EPS8L3: variants seen among roughly 807,000 people sequenced by gnomAD.
EPS8L3 encodes EPS8 signaling adaptor L3.
Under a neutral mutation model 88.5 loss-of-function variants are expected in EPS8L3, and 80 were observed. That is an observed-to-expected ratio of 0.90 (90% CI 0.75 to 1.09). EPS8L3 has a LOEUF of 1.09. Among genes scored for constraint, EPS8L3 ranks in the 50% least tolerant of loss-of-function variants. EPS8L3 has a pLI of 0.00. For missense variants in EPS8L3, 721 were observed against 735.2 expected (o/e 0.98, Z 0.22); for synonymous variants, 286 against 291.0 (o/e 0.98, Z 0.18).
intron 1 of EPS8L3, among the ~76,000 whole-genome samples, chr1:109,761,983 C>G (rs1247346027): frequency 6.6e-6 from 1 of 152,062 alleles, no homozygotes; most frequent in Admixed American, 6.5e-5. Flanking sequence ...AGGCCCCGGG[C>G]TGAGGGAAGG....
Position 109,763,224 on chromosome 1 carries a change from A to G in EPS8L3, c.-25+598T>C, listed in dbSNP as rs186339069. Among the ~76,000 whole-genome samples the G allele has an allele frequency of 2.4e-3, 373 of 152,266 alleles. 2 individuals carry two copies. The highest frequency in any genetic ancestry group is 6.8e-3 in the Middle Eastern group (2 of 294). On this transcript the variant is annotated intron_variant, in intron 1 of 18. Transcript: ENST00000361965. ...TGGATCTCTGGTTTCCTTGTTTGGGAGGACCCCTTTTCTCTCCAGGGGTAA... is the reference window on the plus strand; with the variant it reads ...TGGATCTCTGGTTTCCTTGTTTGGGGGGACCCCTTTTCTCTCCAGGGGTAA...
chr1:109,759,641 C>G lies in EPS8L3; in HGVS notation c.255+37G>C. The G allele has an allele frequency of 6.2e-7, 1 of 1,606,046 alleles. No individual in the cohort carries two copies. The highest frequency in any genetic ancestry group is 2.2e-5 in the East Asian group (1 of 44,840). On this transcript the variant is annotated intron_variant, in intron 4 of 18. Coordinates refer to ENST00000361965, the MANE Select transcript of EPS8L3 (RefSeq NM_133181.4). This position sits in a 1 kb window ranked among gnomAD's most constrained non-coding sequence, Gnocchi z 4.2. The stretch of plus-strand genomic sequence containing the variant: ...AGCTAGTGCTTGCTTCCCCACAGCC[C>G]AGGCTGGCTATCACTGGGTTTGCTG...
At chr1:109,751,440 C>A (rs1649783933) in intron 16 of EPS8L3, 89 bp from the exon 17 acceptor site, 1 of 1,423,100 alleles carries the variant, frequency 7.0e-7, no homozygotes, top group African/African-American at 1.4e-5. Flanking sequence ...TCCAGGTTCC[C>A]ATCAAATCAC....
rs1451458010 is a variant in EPS8L3 at position 109,759,334 on chromosome 1, G to C, written c.309C>G (p.Leu103=). ...GGATGGAGTTGTAGGAACATGTGTT[G>C]AGCGCCACATTCATGGCCTGGATGC... The part of the protein sequence containing the change: ...LDSIQAMNVA[L]NTCSYNSILS... Residue 103 remains leucine, a synonymous_variant, in exon 5 of 19, where the codon CTC becomes CTG. Transcript: ENST00000361965. The surrounding 1 kb of genome is among the most constrained non-coding windows in gnomAD (Gnocchi z 4.2). 2 of 1,614,074 alleles carry C rather than the reference G, an allele frequency of 1.2e-6. No individual in the cohort carries two copies. Among genetic ancestry groups the C allele is most frequent in the African/African-American group, 2.7e-5 (2 of 74,920 alleles).
intron 10 of EPS8L3, 38 bp downstream of exon 10, chr1:109,757,764 A>C (rs758823841): frequency 6.3e-7 from 1 of 1,592,190 alleles, no homozygotes; most frequent in South Asian, 1.1e-5. Context: ...AGGAAGGGGA[A>C]GAGGAGAGGC....
chr1:109,761,634 T>C, intron 2 of EPS8L3, 75 bp from the exon 3 acceptor site: 3 of 1,602,930 alleles, frequency 1.9e-6, no homozygotes, highest in Non-Finnish European at 2.6e-6. Context: ...CTGGGGGCAG[T>C]TGGTGTGAGG....
chr1:109,757,287 G>A (rs773817870), intron 11 of EPS8L3, 122 bp from the exon 12 acceptor site: 112 of 1,287,256 alleles, frequency 8.7e-5, no homozygotes, highest in Non-Finnish European at 1.2e-4. Flanking sequence ...TCCTGCAAGG[G>A]GCCCCATCTG....
In EPS8L3 at chr1:109,757,573, T is replaced by G; in HGVS notation, c.895-18A>C. 1 of 1,607,364 alleles carries G rather than the reference T, an allele frequency of 6.2e-7. No homozygotes were observed. The highest frequency in any genetic ancestry group is 8.5e-7 in the Non-Finnish European group (1 of 1,174,466). ...AGCCTTCCCTGGGGACACAGAGCAA[T>G]GCCTGTCACCACCCTTCACCCCACC... On this transcript the variant is annotated intron_variant, in intron 10 of 18. Coordinates refer to ENST00000361965, the MANE Select transcript of EPS8L3 (RefSeq NM_133181.4).
chr1:109,754,048 C>A (rs1368759867), intron 12 of EPS8L3, among the ~76,000 whole-genome samples: 5 of 152,172 alleles, frequency 3.3e-5, no homozygotes. Context: ...ATGATTCCCT[C>A]TTCTCAATTT....
chr1:109,753,502 T>G (rs908167202), intron 12 of EPS8L3, among the ~76,000 whole-genome samples: 8 of 152,194 alleles, frequency 5.3e-5, no homozygotes, highest in Non-Finnish European at 7.3e-5. Context: ...GCATTTGGAT[T>G]AAAGTAGTAG....
Position 109,750,779 on chromosome 1 carries a change from G to C in EPS8L3, c.1651C>G (p.Leu551Val). The change falls in exon 18 of 19, where the codon CTT (leucine) becomes GTT (valine). Residue 551 changes from leucine to valine, a missense_variant. Leu to Val is a conservative substitution (Grantham distance 32). Coordinates refer to ENST00000361965, the MANE Select transcript of EPS8L3 (RefSeq NM_133181.4). ...AGCTGGCTCCCCGTCAGGGACCCAAGTGTCCTCACCGTGCTGTGAACAAAA... is the reference window on the plus strand; with the variant it reads ...AGCTGGCTCCCCGTCAGGGACCCAACTGTCCTCACCGTGCTGTGAACAAAA... ...ENFSTATVRT[L>V]GSLTGSQLLR... is the part of the protein sequence containing the mutation. 6.2e-7 allele frequency: 1 copy of C among 1,614,220 alleles called. No homozygotes were observed. Among genetic ancestry groups the C allele is most frequent in the Non-Finnish European group, 8.5e-7 (1 of 1,180,022 alleles).
chr1:109,758,139 C>A, intron 8 of EPS8L3, 81 bp from the exon 9 acceptor site: 1 of 1,379,440 alleles, frequency 7.2e-7, no homozygotes, highest in South Asian at 1.2e-5. Context: ...CGCACCCCTC[C>A]CCACCACAAG....
chr1:109,751,548 G>T (rs769575610), intron 16 of EPS8L3, 106 bp downstream of exon 16: 12 of 1,533,970 alleles, frequency 7.8e-6, no homozygotes, highest in Admixed American at 1.7e-5. Context: ...GCAATAATAC[G>T]GTCCGAATCA....
rs868605570 is a variant in EPS8L3 at position 109,751,691 on chromosome 1, G to C, written c.1526C>G (p.Pro509Arg). 2.5e-6 allele frequency: 4 copies of C among 1,613,670 alleles called. No individual in the cohort carries two copies. Among genetic ancestry groups the C allele is most frequent in the Middle Eastern group, 1.6e-4 (1 of 6,084 alleles). The stretch of plus-strand genomic sequence containing the variant: ...CTGGCCCTGGGTCCCAGGGGTCCCC[G>C]GCTGTAGGGGCTCCAGGATGTTGCT... ...IPSNILEPLQ[P>R]GTPGTQGQSP... The change falls in exon 16 of 19, where the codon CCG becomes CGG. Residue 509 changes from proline (P) to arginine (R), a missense_variant. Physicochemically the swap from Pro to Arg is moderately radical, Grantham distance 103. Transcript: ENST00000361965.
intron 12 of EPS8L3, among the ~76,000 whole-genome samples, chr1:109,753,793 G>C (rs1248950404): frequency 1.4e-4 from 22 of 152,132 alleles, no homozygotes; most frequent in Admixed American, 1.4e-3. Context: ...TTTTCCACTT[G>C]TCTGCCCAGG....
At chr1:109,755,620 C>A (rs1247136670) in intron 12 of EPS8L3, among the ~76,000 whole-genome samples, 1 of 152,046 alleles carries the variant, frequency 6.6e-6, no homozygotes, top group Non-Finnish European at 1.5e-5. Flanking sequence ...GCCTGAGCAA[C>A]ATGGTGAAAC....
intron 3 of EPS8L3, among the ~76,000 whole-genome samples, chr1:109,760,088 A>C (rs1650755787): frequency 6.6e-6 from 1 of 152,212 alleles, no homozygotes; most frequent in Non-Finnish European, 1.5e-5. Flanking sequence ...CTCTGGAGGA[A>C]GGACAGGCAT....
chr1:109,751,176 A>T, intron 17 of EPS8L3, 102 bp downstream of exon 17: 1 of 999,340 alleles, frequency 1.0e-6, no homozygotes, highest in Non-Finnish European at 1.5e-6. Context: ...GATCGGGGTC[A>T]TGTACAATGT....
In EPS8L3 at chr1:109,757,062, T is replaced by G. The variant is rs532171561; in HGVS notation, c.1073A>C (p.Glu358Ala). 1.2e-5 allele frequency: 19 copies of G among 1,614,138 alleles called. No homozygotes were observed. In the African/African-American group the frequency reaches 2.4e-4, roughly 20 times the overall value. Residue 358 changes from glutamate to alanine, a missense_variant, in exon 12 of 19, where the codon GAG (glutamate) becomes GCG (alanine). By Grantham distance (107) the Glu-to-Ala change is moderately radical. Coordinates refer to ENST00000361965, the MANE Select transcript of EPS8L3 (RefSeq NM_133181.4). ...GCCCAACCCCATCCAAAGGTTACTC[T>G]CAGGTGGGCTTAGACAGGACTGTAG... Reference protein sequence around the residue: ...NLLQSCLSPPESNLWMGLGPA... With the variant: ...NLLQSCLSPPASNLWMGLGPA...
Sources: allele counts gnomAD v4.1 joint callset (sites outside exome capture counted in the v4.1 genomes callset), GRCh38; gene constraint gnomAD v4.1.1; non-coding constraint Gnocchi (gnomAD v3.1); transcripts MANE v1.5; gene names NCBI Gene and HGNC (gene_info 2026-07-23, HGNC 2026-07-21).